Variants in HPSE2 observed in about 807,000 individuals in gnomAD.
HPSE2 encodes inactive heparanase-2.
Under a neutral mutation model 60.5 loss-of-function variants are expected in HPSE2, and 38 were observed. That is an observed-to-expected ratio of 0.63 (90% CI 0.48 to 0.82). HPSE2 has a LOEUF of 0.82. HPSE2 is among the 40% of genes least tolerant of loss of function. The pLI is 0.00. For synonymous variants in HPSE2, 295 were observed against 293.2 expected (o/e 1.01, Z -0.06); for missense variants, 713 against 740.4 (o/e 0.96, Z 0.43).
At chr10:99,191,198 T>C (rs1253733392) in intron 2 of HPSE2, among the ~76,000 whole-genome samples, 2 of 149,676 alleles carry the variant, frequency 1.3e-5, no homozygotes, top group African/African-American at 4.9e-5. Context: ...GGCTGGGGGG[T>C]AGTTCGCCAC....
At chr10:99,293,696 CA>C in the HPSE2 span, among the ~76,000 whole-genome samples, 3 of 151,792 alleles carry the variant, frequency 2.0e-5, no homozygotes, top group African/African-American at 7.3e-5. Context: ...TATATAGTGA[CA>C]AAAGAGTAAC....
intron 11 of HPSE2, among the ~76,000 whole-genome samples, chr10:98,470,271 A>G (rs1940723697): frequency 6.6e-6 from 1 of 152,266 alleles, no homozygotes; most frequent in South Asian, 2.1e-4. Flanking sequence ...TCAAAAGGGA[A>G]AAAAGATGTC....
chr10:98,876,090 T>C (rs1952869662), intron 3 of HPSE2, among the ~76,000 whole-genome samples: 1 of 151,938 alleles, frequency 6.6e-6, no homozygotes, highest in African/African-American at 2.4e-5. Context: ...ATCAAAGACC[T>C]AATTCATGAA....
At chr10:98,977,068 C>A (rs1051296320) in intron 3 of HPSE2, among the ~76,000 whole-genome samples, 7 of 152,154 alleles carry the variant, frequency 4.6e-5, no homozygotes, top group Admixed American at 2.6e-4. Flanking sequence ...CCTGCTGACA[C>A]CTTGATTTCA....
At chr10:98,608,458 A>G (rs1945656286) in intron 9 of HPSE2, among the ~76,000 whole-genome samples, 1 of 152,208 alleles carries the variant, frequency 6.6e-6, no homozygotes, top group Non-Finnish European at 1.5e-5. Context: ...AGAAAATCAG[A>G]GGAACGTCTA....
At chr10:98,983,368 T>C (rs1395931584) in intron 3 of HPSE2, among the ~76,000 whole-genome samples, 1 of 152,194 alleles carries the variant, frequency 6.6e-6, no homozygotes, top group African/African-American at 2.4e-5. Flanking sequence ...AATCTCGTTT[T>C]GGTTGCTGTC....
chr10:99,150,713 C>CATATATAGCAGGCTA (rs1248311562), intron 2 of HPSE2, among the ~76,000 whole-genome samples: 1 of 152,134 alleles, frequency 6.6e-6, no homozygotes, highest in Non-Finnish European at 1.5e-5. Context: ...GACTAGCAGG[C>CATATATAGCAGGCTA]TATATGCACA....
At chr10:99,255,413 A>C in the HPSE2 span, among the ~76,000 whole-genome samples, 1 of 152,214 alleles carries the variant, frequency 6.6e-6, no homozygotes, top group Non-Finnish European at 1.5e-5. Flanking sequence ...AAAAGATATT[A>C]GAAAAAAATA....
intron 3 of HPSE2, among the ~76,000 whole-genome samples, chr10:98,911,914 G>A (rs1281203315): frequency 2.0e-5 from 3 of 152,118 alleles, no homozygotes; most frequent in African/African-American, 7.2e-5. Flanking sequence ...ATTTGACCTT[G>A]AGAAACTAAA....
chr10:98,833,677 T>A (rs754207687), intron 3 of HPSE2, among the ~76,000 whole-genome samples: 2 of 152,214 alleles, frequency 1.3e-5, no homozygotes, highest in Admixed American at 6.5e-5. Flanking sequence ...CACTGCTATG[T>A]TCGTCACATC....
chr10:99,168,038 G>A (rs984252242), intron 2 of HPSE2, among the ~76,000 whole-genome samples: 3 of 150,060 alleles, frequency 2.0e-5, no homozygotes, highest in Admixed American at 1.3e-4. Flanking sequence ...AATGGATACC[G>A]AATTTTATCA....
chr10:99,274,007 C>A, the HPSE2 span, among the ~76,000 whole-genome samples: 3 of 152,080 alleles, frequency 2.0e-5, no homozygotes, highest in African/African-American at 7.2e-5. Flanking sequence ...CATATAACTT[C>A]CCTGGTAACA....
At chr10:98,664,915 A>G (rs929918289) in intron 6 of HPSE2, among the ~76,000 whole-genome samples, 1 of 152,164 alleles carries the variant, frequency 6.6e-6, no homozygotes, top group Admixed American at 6.5e-5. Context: ...AAAGAATATA[A>G]TAGCCACCCC....
chr10:99,279,723 C>G, the HPSE2 span, among the ~76,000 whole-genome samples: 16 of 152,276 alleles, frequency 1.1e-4, no homozygotes, highest in African/African-American at 3.8e-4. Flanking sequence ...TATGGGAAAC[C>G]AAGCTATGAC....
intron 2 of HPSE2, among the ~76,000 whole-genome samples, chr10:99,175,384 G>A (rs1199674965): frequency 2.0e-5 from 3 of 152,152 alleles, no homozygotes; most frequent in Non-Finnish European, 2.9e-5. Context: ...TGAAATTCTC[G>A]CTGCCAGCAC....
At chr10:98,763,884 A>G (rs943357569) in intron 3 of HPSE2, among the ~76,000 whole-genome samples, 8 of 152,110 alleles carry the variant, frequency 5.3e-5, no homozygotes, top group Admixed American at 2.0e-4. Context: ...AAGGGAAATG[A>G]ACAAAGGAGA....
chr10:98,952,423 G>A (rs1342078045), intron 3 of HPSE2, among the ~76,000 whole-genome samples: 1 of 151,520 alleles, frequency 6.6e-6, no homozygotes, highest in Non-Finnish European at 1.5e-5. Context: ...TGGAAGGTGG[G>A]CTGCAAAAAT....
chr10:98,986,278 T>C (rs1216427114), intron 3 of HPSE2, among the ~76,000 whole-genome samples: 1 of 151,754 alleles, frequency 6.6e-6, no homozygotes, highest in South Asian at 2.1e-4. Context: ...AGAACAGAAA[T>C]TATAACAAAC....
At chr10:98,461,863 T>C (rs1465481469) in intron 11 of HPSE2, 2 of 1,379,386 alleles carry the variant, frequency 1.4e-6, no homozygotes, top group Non-Finnish European at 1.0e-6. Context: ...CCTTTAAAAA[T>C]CTATACTAAT....
Sources: gnomAD v4.1 joint callset for allele counts (sites outside exome capture counted in the v4.1 genomes callset) on GRCh38, gnomAD v4.1.1 for gene constraint, MANE v1.5 for transcripts, NCBI Gene and HGNC (gene_info 2026-07-23, HGNC 2026-07-21) for gene names.